Variants in CELF1 observed in about 807,000 individuals in gnomAD.
The protein encoded by CELF1 is 50 kDa nuclear polyadenylated RNA-binding protein.
CELF1 carries 10 observed loss-of-function variants against 61.8 expected under a neutral mutation model. The ratio of observed to expected loss-of-function variants is 0.16; its 90% confidence interval spans 0.10 to 0.27. CELF1 has a LOEUF of 0.27. CELF1 is among the 10% of genes least tolerant of loss of function. CELF1 has a pLI of 1.00. For missense variants in CELF1, 380 were observed against 639.1 expected (o/e 0.59, Z 4.37); for synonymous variants, 236 against 225.1 (o/e 1.05, Z -0.43).
At chr11:47,501,485 T>C (rs1023575623) in intron 1 of CELF1, among the ~76,000 whole-genome samples, 9 of 152,122 alleles carry the variant, frequency 5.9e-5, no homozygotes, top group African/African-American at 2.2e-4. Flanking sequence ...AGTGCAAGAA[T>C]TCCTCTAAAA....
chr11:47,529,929 G>A (rs900522367), intron 1 of CELF1, among the ~76,000 whole-genome samples: 1 of 152,144 alleles, frequency 6.6e-6, no homozygotes, highest in Non-Finnish European at 1.5e-5. Flanking sequence ...CAACCTGTCA[G>A]CAGAAGTACT....
At chr11:47,510,076 A>G (rs1330460938) in intron 1 of CELF1, among the ~76,000 whole-genome samples, 3 of 151,984 alleles carry the variant, frequency 2.0e-5, no homozygotes, top group African/African-American at 7.3e-5. Context: ...AAGAAAAAAA[A>G]AAGTAAGGAA....
intron 1 of CELF1, chr11:47,565,128 T>C: frequency 6.6e-6 from 1 of 151,030 alleles, no homozygotes; most frequent in Non-Finnish European, 1.5e-5. Flanking sequence ...ACACAGCCTC[T>C]CCTTGTCTTG....
At chr11:47,531,908 A>C (rs1160068556) in intron 1 of CELF1, among the ~76,000 whole-genome samples, 2 of 152,218 alleles carry the variant, frequency 1.3e-5, no homozygotes, top group Non-Finnish European at 1.5e-5. Context: ...TCTAGGGTTT[A>C]GGCATGACAT....
chr11:47,501,453 C>T (rs1037310974), intron 1 of CELF1, among the ~76,000 whole-genome samples: 5 of 152,110 alleles, frequency 3.3e-5, no homozygotes, highest in Non-Finnish European at 5.9e-5. Context: ...ATAACTGAGT[C>T]GACAACCAAA....
chr11:47,484,367 T>C (rs1028642355), intron 7 of CELF1, 22 bp downstream of exon 7: 13 of 1,592,732 alleles, frequency 8.2e-6, no homozygotes, highest in Non-Finnish European at 1.1e-5. Flanking sequence ...CAAAAGATTA[T>C]TTAAAAGCTA....
chr11:47,487,160 C>T lies in CELF1; in HGVS notation c.341G>A (p.Gly114Glu). The T allele has an allele frequency of 1.2e-6, 2 of 1,609,720 alleles. No homozygotes were observed. The highest frequency in any genetic ancestry group is 1.7e-6 in the Non-Finnish European group (2 of 1,178,422). The change falls in exon 5 of 15, where the codon GGG becomes GAG. Residue 114 changes from glycine (G) to glutamate (E), a missense_variant and splice_region_variant. Gly to Glu is a moderately conservative substitution (Grantham distance 98, BLOSUM62 -2). Coordinates refer to ENST00000687097, the MANE Select transcript of CELF1 (RefSeq NM_001376376.1). ...NALHNMKVLP[G>E]MHHPIQMKPA... ...ATTTACTAGTGGGAGCTTTCTTACC[C>T]CTGGGAGGACTTTCATGTTGTGAAG...
At chr11:47,547,090 A>AAAAGAAAG (rs1565910600) in intron 1 of CELF1, among the ~76,000 whole-genome samples, 1 of 145,538 alleles carries the variant, frequency 6.9e-6, no homozygotes, top group Non-Finnish European at 1.5e-5. Flanking sequence ...AAAAAAAAAA[A>AAAAGAAAG]AAAGAAAGAA....
intron 1 of CELF1, among the ~76,000 whole-genome samples, chr11:47,530,509 T>C (rs374756374): frequency 6.6e-6 from 1 of 152,228 alleles, no homozygotes; most frequent in East Asian, 1.9e-4. Context: ...GTTTGGTATA[T>C]GTGGCACTGA....
chr11:47,547,137 C>T (rs1439988941), intron 1 of CELF1, among the ~76,000 whole-genome samples: 3 of 133,846 alleles, frequency 2.2e-5, no homozygotes, highest in Non-Finnish European at 4.7e-5. Flanking sequence ...GAAAATCTGA[C>T]TAGATTAGAA....
At chr11:47,503,178 A>G (rs1308561969) in intron 1 of CELF1, among the ~76,000 whole-genome samples, 2 of 152,238 alleles carry the variant, frequency 1.3e-5, no homozygotes. Flanking sequence ...AAAACACTCA[A>G]AAGAACAGCA....
chr11:47,527,778 TG>T (rs2096301138), intron 1 of CELF1, among the ~76,000 whole-genome samples: 1 of 152,254 alleles, frequency 6.6e-6, no homozygotes, highest in African/African-American at 2.4e-5. Context: ...TAAAAATACT[TG>T]TGTGAAGGCA....
chr11:47,528,826 G>A (rs1439310436), intron 1 of CELF1, among the ~76,000 whole-genome samples: 2 of 151,878 alleles, frequency 1.3e-5, no homozygotes, highest in African/African-American at 2.4e-5. Flanking sequence ...AGGAGTTCAA[G>A]GCTGCAGTGA....
intron 4 of CELF1, 68 bp downstream of exon 4, chr11:47,488,769 C>T (rs1024691853): frequency 1.0e-5 from 13 of 1,272,410 alleles, no homozygotes; most frequent in Non-Finnish European, 1.3e-5. Flanking sequence ...CTGTTAAAAA[C>T]CCAAAGCCCT....
At chr11:47,519,245 C>T (rs1262252271) in intron 1 of CELF1, among the ~76,000 whole-genome samples, 4 of 152,164 alleles carry the variant, frequency 2.6e-5, no homozygotes, top group Admixed American at 6.6e-5. Flanking sequence ...TTTGGGAGGC[C>T]GAGGCAGGTG....
At chr11:47,517,656 AT>A (rs1049505316) in intron 1 of CELF1, among the ~76,000 whole-genome samples, 96 of 148,596 alleles carry the variant, frequency 6.5e-4, no homozygotes, top group Non-Finnish European at 1.0e-3. Flanking sequence ...TTCTACAGAA[AT>A]TTTTTTTTTT....
intron 1 of CELF1, among the ~76,000 whole-genome samples, chr11:47,551,516 A>G (rs547554359): frequency 2.6e-4 from 40 of 152,376 alleles, no homozygotes; most frequent in African/African-American, 9.1e-4. Flanking sequence ...TTGTAATTCC[A>G]TGATTTTCTA....
chr11:47,499,529 C>G lies in CELF1; in HGVS notation c.-6G>C. ...TCCAACTTAAACGCAGCCATCACCT[C>G]ACTCTCCCCTTCAGAAGCCAATGAT... On this transcript the variant is annotated 5_prime_UTR_variant, in exon 3 of 15. Coordinates refer to ENST00000687097, the MANE Select transcript of CELF1 (RefSeq NM_001376376.1). 1 of 1,535,052 alleles carries G rather than the reference C, an allele frequency of 6.5e-7. No individual in the cohort carries two copies. The highest frequency in any genetic ancestry group is 8.7e-7 in the Non-Finnish European group (1 of 1,145,932).
At chr11:47,548,507 T>G (rs2097043961) in intron 1 of CELF1, among the ~76,000 whole-genome samples, 1 of 152,120 alleles carries the variant, frequency 6.6e-6, no homozygotes, top group Non-Finnish European at 1.5e-5. Context: ...ATCGACAAAG[T>G]GAAAGACAAA....
Sources: gnomAD v4.1 joint callset for allele counts (sites outside exome capture counted in the v4.1 genomes callset) on GRCh38, gnomAD v4.1.1 for gene constraint, MANE v1.5 for transcripts, NCBI Gene and HGNC (gene_info 2026-07-23, HGNC 2026-07-21) for gene names.